The following CPQ variants were observed in gnomAD, a reference collection of about 807,000 sequenced individuals.
CPQ encodes carboxypeptidase Q, also known as Ser-Met dipeptidase.
CPQ carries 37 observed loss-of-function variants against 45.7 expected under a neutral mutation model. The observed-to-expected ratio is 0.81, with a 90% CI of 0.62 to 1.07. The LOEUF is 1.07. CPQ is among the 50% of genes least tolerant of loss of function. The probability of loss-of-function intolerance (pLI) is 0.00; values close to 1 mark genes in which losing one functional copy is unlikely to be tolerated. For synonymous variants in CPQ, 186 were observed against 205.8 expected (o/e 0.90, Z 0.82); for missense variants, 537 against 572.9 (o/e 0.94, Z 0.64).
intron 4 of CPQ, among the ~76,000 whole-genome samples, chr8:96,923,963 A>G (rs953347278): frequency 6.6e-6 from 1 of 152,216 alleles, no homozygotes; most frequent in African/African-American, 2.4e-5. Flanking sequence ...ATGTTTATCC[A>G]TTTACTTCAG....
At chr8:97,080,430 C>A (rs553682965) in intron 7 of CPQ, among the ~76,000 whole-genome samples, 10 of 152,076 alleles carry the variant, frequency 6.6e-5, no homozygotes, top group Non-Finnish European at 1.0e-4. Context: ...TTATAGGATT[C>A]TAGAAATCAC....
chr8:96,875,486 A>G (rs1812133793), intron 3 of CPQ, among the ~76,000 whole-genome samples: 2 of 151,982 alleles, frequency 1.3e-5, no homozygotes, highest in Admixed American at 1.3e-4. Flanking sequence ...GCATGATTTA[A>G]GAATGTAACT....
In CPQ at chr8:96,768,879, C is replaced by A. The variant is rs1368427100; in HGVS notation, c.-34-15985C>A. Among the ~76,000 whole-genome samples the A allele has an allele frequency of 2.6e-5, 4 of 152,158 alleles. No individual in the cohort carries two copies. In the East Asian group the frequency reaches 7.7e-4, roughly 29 times the overall value. On this transcript the variant is annotated intron_variant, in intron 1 of 7. Transcript: ENST00000220763. ...ATAATCCAAAGGAAATTACTAATAT[C>A]TCTACCAGAGTATTCCTCAGAACTT...
intron 3 of CPQ, among the ~76,000 whole-genome samples, chr8:96,851,645 G>A (rs969709451): frequency 1.3e-5 from 2 of 152,078 alleles, no homozygotes; most frequent in East Asian, 1.9e-4. Context: ...CCTCTTAAAG[G>A]CCCCACCACT....
chr8:96,910,652 C>G (rs1187894481), intron 4 of CPQ, among the ~76,000 whole-genome samples: 1 of 152,058 alleles, frequency 6.6e-6, no homozygotes, highest in Admixed American at 6.6e-5. Context: ...CTACAGGGGC[C>G]TGCCACCACG....
chr8:96,972,610 A>C (rs748068058), intron 5 of CPQ, among the ~76,000 whole-genome samples: 1 of 152,112 alleles, frequency 6.6e-6, no homozygotes, highest in African/African-American at 2.4e-5. Context: ...AAACACAACC[A>C]AGGACCCTCG....
chr8:96,800,694 A>G (rs1224031421), intron 2 of CPQ, among the ~76,000 whole-genome samples: 1 of 152,214 alleles, frequency 6.6e-6, no homozygotes, highest in African/African-American at 2.4e-5. Context: ...CTGGGCTTTA[A>G]AAAAGTAAAA....
intron 5 of CPQ, among the ~76,000 whole-genome samples, chr8:97,002,400 G>C (rs1018266414): frequency 1.3e-5 from 2 of 152,134 alleles, no homozygotes; most frequent in Non-Finnish European, 2.9e-5. Context: ...TGGGCATTTA[G>C]TGCTATAGAT....
chr8:97,136,565 T>A (rs2130628784), intron 7 of CPQ, among the ~76,000 whole-genome samples: 1 of 152,290 alleles, frequency 6.6e-6, no homozygotes, highest in Non-Finnish European at 1.5e-5. Context: ...AGAATTTGAA[T>A]TTGAACCCAG....
intron 1 of CPQ, among the ~76,000 whole-genome samples, chr8:96,734,731 TAAAATAAATAAAATAAAATA>T (rs1563482734): frequency 6.9e-6 from 1 of 144,192 alleles, no homozygotes; most frequent in Non-Finnish European, 1.5e-5. Context: ...TAAAATAAAA[TAAAATAAATAAAATAAAATA>T]AAATAAAATA....
At chr8:96,678,539 T>C (rs534755269) in intron 1 of CPQ, among the ~76,000 whole-genome samples, 1 of 152,240 alleles carries the variant, frequency 6.6e-6, no homozygotes, top group South Asian at 2.1e-4. Flanking sequence ...ACCAACAGTA[T>C]ATAAGCGTTC....
intron 5 of CPQ, among the ~76,000 whole-genome samples, chr8:97,019,699 A>G (rs1216922195): frequency 1.3e-5 from 2 of 152,200 alleles, no homozygotes; most frequent in Non-Finnish European, 2.9e-5. Flanking sequence ...ATATGCACCT[A>G]ACACTGGAGC....
At chr8:96,897,894 A>ATAC (rs1812464701) in intron 4 of CPQ, among the ~76,000 whole-genome samples, 1 of 152,154 alleles carries the variant, frequency 6.6e-6, no homozygotes, top group Non-Finnish European at 1.5e-5. Flanking sequence ...TTTAATTTGC[A>ATAC]TACCATGCCG....
Position 96,726,517 on chromosome 8 carries a change from G to A in CPQ, c.-34-58347G>A, listed in dbSNP as rs76479103. Among the ~76,000 whole-genome samples the A allele has an allele frequency of 2.6e-5, 4 of 152,162 alleles. No individual in the cohort carries two copies. In the East Asian group the frequency reaches 5.8e-4, roughly 22 times the overall value. ...ACAATCATAGTGGAAGGCAAACAGC[G>A]AGCAGGCATCTTACATGGCAGGAAC... is the stretch of plus-strand genomic sequence containing the variant. On this transcript the variant is annotated intron_variant, in intron 1 of 7. Coordinates refer to ENST00000220763, the MANE Select transcript of CPQ (RefSeq NM_016134.4).
chr8:97,010,159 T>G (rs1586492642), intron 5 of CPQ, among the ~76,000 whole-genome samples: 1 of 152,196 alleles, frequency 6.6e-6, no homozygotes, highest in East Asian at 1.9e-4. Context: ...AGAAAGCAAT[T>G]CAGTTACTTC....
intron 2 of CPQ, among the ~76,000 whole-genome samples, chr8:96,800,030 C>G (rs1251947292): frequency 6.6e-6 from 1 of 152,096 alleles, no homozygotes; most frequent in Non-Finnish European, 1.5e-5. Context: ...TGCGTCAGAA[C>G]TTAGAATTTC....
At chr8:96,678,246 G>A (rs570715133) in intron 1 of CPQ, among the ~76,000 whole-genome samples, 7 of 152,158 alleles carry the variant, frequency 4.6e-5, no homozygotes, top group Admixed American at 6.5e-5. Context: ...CATTGAATCC[G>A]TATATTGCTT....
intron 6 of CPQ, among the ~76,000 whole-genome samples, chr8:97,050,681 T>C (rs1586515511): frequency 6.6e-6 from 1 of 152,198 alleles, no homozygotes; most frequent in African/African-American, 2.4e-5. Flanking sequence ...CTGAGCAACG[T>C]AGCAAGACCC....
intron 2 of CPQ, among the ~76,000 whole-genome samples, chr8:96,800,313 G>C (rs559938786): frequency 6.6e-6 from 1 of 152,180 alleles, no homozygotes; most frequent in Non-Finnish European, 1.5e-5. Context: ...AGATCACTTT[G>C]TAGCAGGGAT....
Sources: gnomAD v4.1 joint callset for allele counts (sites outside exome capture counted in the v4.1 genomes callset) on GRCh38, gnomAD v4.1.1 for gene constraint, MANE v1.5 for transcripts, NCBI Gene and HGNC (gene_info 2026-07-23, HGNC 2026-07-21) for gene names.